The following RAB11FIP1 variants were observed in gnomAD, a reference collection of about 807,000 sequenced individuals.
The protein encoded by RAB11FIP1 is RAB11 family interacting protein 1.
Under a neutral mutation model 83.1 loss-of-function variants are expected in RAB11FIP1, and 49 were observed. That is an observed-to-expected ratio of 0.59 (90% confidence interval 0.47 to 0.75). The LOEUF is 0.75. Among genes scored for constraint, RAB11FIP1 ranks in the 30% least tolerant of loss-of-function variants. RAB11FIP1 has a pLI of 0.00. For missense variants in RAB11FIP1, 1,536 were observed against 1,598.7 expected (o/e 0.96, Z 0.67); for synonymous variants, 670 against 656.0 (o/e 1.02, Z -0.33).
intron 1 of RAB11FIP1, among the ~76,000 whole-genome samples, chr8:37,895,259 ATTTTTTTTTTTTTTTTTT>A (rs71216637): frequency 4.1e-4 from 3 of 7,390 alleles, no homozygotes; most frequent in African/African-American, 1.8e-3. Context: ...ATATATATAT[ATTTTTTTTTTTTTTTTTT>A]TTTTTTTTTT....
intron 3 of RAB11FIP1, among the ~76,000 whole-genome samples, chr8:37,873,470 G>A (rs527937399): frequency 6.6e-6 from 1 of 152,138 alleles, no homozygotes; most frequent in African/African-American, 2.4e-5. Context: ...GCCGGGTGTG[G>A]TGGTGTGCAC....
chr8:37,885,951 G>A (rs936748430), intron 1 of RAB11FIP1, among the ~76,000 whole-genome samples: 5 of 152,204 alleles, frequency 3.3e-5, no homozygotes, highest in African/African-American at 1.2e-4. Flanking sequence ...ATGGGGAAAT[G>A]AAAAGCCTTC....
chr8:37,894,713 T>TATATATATACATATATATAC (rs1017489903), intron 1 of RAB11FIP1, among the ~76,000 whole-genome samples: 1 of 146,382 alleles, frequency 6.8e-6, no homozygotes, highest in African/African-American at 2.5e-5. Flanking sequence ...TATATATACA[T>TATATATATACATATATATAC]ATATATATAC....
At chr8:37,888,961 C>A (rs1806892646) in intron 1 of RAB11FIP1, among the ~76,000 whole-genome samples, 1 of 151,982 alleles carries the variant, frequency 6.6e-6, no homozygotes, top group African/African-American at 2.4e-5. Context: ...CCGCGCCCAG[C>A]TAAATTTTTG....
rs59449975 is a variant in RAB11FIP1, at chr8:37,869,227, CAA to C, written c.3633+1191_3633+1192del. 8.6e-3 allele frequency among the ~76,000 whole-genome samples: 1,095 copies of C among 126,820 alleles called. 6 individuals are homozygous for C. The highest frequency in any genetic ancestry group is 0.014 in the African/African-American group (458 of 33,322). The allele number at this position is 126,820 out of a possible 152,430, so 83.2% of individuals were successfully genotyped here. On this transcript the variant is annotated intron_variant, in intron 5 of 5. Transcript: ENST00000330843. ...TGGGCAACAGAATGAGATCCTGTAT[CAA>C]AAAAAAAAAAAAAAAAATTCCTGAT...
Position 37,872,593 on chromosome 8 carries a change from C to A in RAB11FIP1, c.2209G>T (p.Ala737Ser), listed in dbSNP as rs1268166038. The A allele has an allele frequency of 1.9e-6, 3 of 1,614,128 alleles. No individual in the cohort carries two copies. In the African/African-American group the frequency reaches 4.0e-5, roughly 22 times the overall value. The change falls in exon 4 of 6, where the codon GCT becomes TCT. Residue 737 changes from alanine to serine, a missense_variant. Transcript: ENST00000330843. ...PFALSLSSDG[A>S]VSPVGELAAG... Reference sequence around the variant, plus strand: ...GCAAGCTCCCCAACAGGGCTCACAGCTCCATCACTGCTGAGTGAAAGGGCA... The same window carrying A: ...GCAAGCTCCCCAACAGGGCTCACAGATCCATCACTGCTGAGTGAAAGGGCA...
At chr8:37,884,256 G>A (rs1806781802) in intron 1 of RAB11FIP1, among the ~76,000 whole-genome samples, 2 of 151,972 alleles carry the variant, frequency 1.3e-5, no homozygotes, top group African/African-American at 2.4e-5. Context: ...CTAGAGACAG[G>A]GTTTCACCAT....
chr8:37,887,297 G>A (rs547256488), intron 1 of RAB11FIP1, among the ~76,000 whole-genome samples: 6 of 152,252 alleles, frequency 3.9e-5, no homozygotes, highest in South Asian at 2.1e-4. Flanking sequence ...TTGGGAGGCC[G>A]AGGCGGGCAG....
At chr8:37,869,461 G>A (rs937575338) in intron 5 of RAB11FIP1, among the ~76,000 whole-genome samples, 5 of 151,926 alleles carry the variant, frequency 3.3e-5, no homozygotes, top group South Asian at 4.2e-4. Flanking sequence ...GCATGGTGGC[G>A]CGCACCTACA....
At chr8:37,889,437 T>C (rs1372813255) in intron 1 of RAB11FIP1, among the ~76,000 whole-genome samples, 1 of 152,224 alleles carries the variant, frequency 6.6e-6, no homozygotes, top group East Asian at 1.9e-4. Context: ...AAGCCACATA[T>C]GTTAATATTC....
rs1222738797 is a variant in RAB11FIP1, at chr8:37,861,533, T to G, written c.*1362A>C. The G allele has an allele frequency of 2.3e-6, 1 of 443,356 alleles. No homozygotes were observed. Among genetic ancestry groups the G allele is most frequent in the East Asian group, 7.0e-5 (1 of 14,330 alleles). The allele number at this position is 443,356 out of a possible 1,614,324, so 27.5% of individuals were successfully genotyped here. On this transcript the variant is annotated 3_prime_UTR_variant, in exon 6 of 6. Transcript: ENST00000330843. ...CCATGGTCTCCTGTCCCCTGTAGAG[T>G]GAAGGGGCTTCTTTTTTTCTTTTTA...
At chr8:37,889,860 C>G (rs559159186) in intron 1 of RAB11FIP1, among the ~76,000 whole-genome samples, 64 of 152,156 alleles carry the variant, frequency 4.2e-4, no homozygotes, top group African/African-American at 1.5e-3. Context: ...CTTGGCTCAC[C>G]GCAAGCTCTG....
chr8:37,880,651 A>T (rs1370526246), intron 1 of RAB11FIP1, among the ~76,000 whole-genome samples: 3 of 151,644 alleles, frequency 2.0e-5, no homozygotes, highest in Non-Finnish European at 4.4e-5. Context: ...AGTCCCAACT[A>T]CTTGGGAGGT....
rs550872163 is a variant in RAB11FIP1, at chr8:37,870,299, A to G, written c.3633+121T>C. On this transcript the variant is annotated intron_variant, in intron 5 of 5. Transcript: ENST00000330843. ...CTTCCAAAGTTTACTCAAAGACTCA[A>G]GATGTATGACTAAGTGTTCCTGGCA... The G allele has an allele frequency of 3.2e-4, 183 of 564,590 alleles. 2 individuals are homozygous for G. In the South Asian group the frequency reaches 4.4e-3, roughly 13 times the overall value. The allele number at this position is 564,590 out of a possible 1,614,324, so 35.0% of individuals were successfully genotyped here.
At chr8:37,866,499 T>C (rs1585427408) in intron 5 of RAB11FIP1, among the ~76,000 whole-genome samples, 1 of 152,200 alleles carries the variant, frequency 6.6e-6, no homozygotes. Flanking sequence ...TTTTACATAG[T>C]TGTGATAATG....
intron 2 of RAB11FIP1, among the ~76,000 whole-genome samples, chr8:37,876,667 G>A (rs1455784476): frequency 2.0e-5 from 3 of 149,800 alleles, no homozygotes; most frequent in Non-Finnish European, 4.4e-5. Context: ...TTGAGACAGA[G>A]TCTCACTCTG....
At position 37,872,663 on chromosome 8, in the gene RAB11FIP1, T is replaced by C; in HGVS notation, c.2139A>G (p.Lys713=). 1.9e-6 allele frequency: 3 copies of C among 1,614,142 alleles called. No individual in the cohort carries two copies. In the South Asian group the frequency reaches 3.3e-5, roughly 18 times the overall value. The change falls in exon 4 of 6, where the codon AAA becomes AAG. Residue 713 remains lysine, a synonymous_variant. Coordinates refer to ENST00000330843, the MANE Select transcript of RAB11FIP1 (RefSeq NM_001002814.3). ...CTCCAGATGATGGGCTGTAGTCTTGTTTTTTGCAGGGGAATCTCGGAAGTT... is the reference window on the plus strand; with the variant it reads ...CTCCAGATGATGGGCTGTAGTCTTGCTTTTTGCAGGGGAATCTCGGAAGTT... The part of the protein sequence containing the change: ...EEELPRFPCK[K]QDYSPSSGEA...
Position 37,871,775 on chromosome 8 carries a change from C to T in RAB11FIP1, c.3027G>A (p.Glu1009=), listed in dbSNP as rs1322018581. ...LSLGLVVPCP[E]RGKGPSGEAD... ...CCTCGCCACTGGGCCCCTTTCCCCT[C>T]TCAGGACAGGGGACTACCAAGCCCA... is the stretch of plus-strand genomic sequence containing the variant. Residue 1009 remains glutamate, a synonymous_variant, in exon 4 of 6, where the codon GAG becomes GAA. Coordinates refer to ENST00000330843, the MANE Select transcript of RAB11FIP1 (RefSeq NM_001002814.3). 9.9e-6 allele frequency: 16 copies of T among 1,613,886 alleles called. No individual in the cohort carries two copies. The highest frequency in any genetic ancestry group is 1.4e-5 in the Non-Finnish European group (16 of 1,179,970).
chr8:37,873,117 G>A lies in RAB11FIP1; in HGVS notation c.1685C>T (p.Ser562Phe). The change falls in exon 4 of 6, where the codon TCC becomes TTC. Residue 562 changes from serine (S) to phenylalanine (F), a missense_variant. Physicochemically the swap from Ser to Phe is radical, Grantham distance 155 (BLOSUM62 -2). Coordinates refer to ENST00000330843, the MANE Select transcript of RAB11FIP1 (RefSeq NM_001002814.3). ...GCTAGAAGGAAGAGGAGGAAGAGAG[G>A]AAGGGGAGTCAGTAGGGGAAGGAAG... Reference protein sequence around the residue: ...ARLPSPTDSPSSLPPLPSSSG... With the variant: ...ARLPSPTDSPFSLPPLPSSSG... 1.2e-6 allele frequency: 2 copies of A among 1,612,780 alleles called. No homozygotes were observed. Among genetic ancestry groups the A allele is most frequent in the East Asian group, 2.2e-5 (1 of 44,886 alleles).
Sources: gnomAD v4.1 joint callset for allele counts (sites outside exome capture counted in the v4.1 genomes callset) on GRCh38, gnomAD v4.1.1 for gene constraint, MANE v1.5 for transcripts, NCBI Gene and HGNC (gene_info 2026-07-23, HGNC 2026-07-21) for gene names.